POU2AF3: variants seen among roughly 807,000 people sequenced by gnomAD.
POU2AF3 encodes the protein POU class 2 homeobox associating factor 3, also known as cancer susceptibility candidate 13.
At chr11:111,308,298 G>T in the POU2AF3 span, 1 of 1,551,756 alleles carries the variant, frequency 6.4e-7, no homozygotes, top group South Asian at 1.2e-5. Flanking sequence ...TGCGCATCGT[G>T]TGAGGCAGAG....
At chr11:111,300,496 C>CTT in the POU2AF3 span, 1 of 1,154,368 alleles carries the variant, frequency 8.7e-7, no homozygotes, top group African/African-American at 1.6e-5. Flanking sequence ...AGACCTTGGA[C>CTT]TCGACCACTG....
chr11:111,300,646 C>T, the POU2AF3 span: 6 of 1,184,742 alleles, frequency 5.1e-6, no homozygotes, highest in Non-Finnish European at 6.3e-6. Flanking sequence ...TTCCCTCATT[C>T]CCCAGCCCAT....
the POU2AF3 span, chr11:111,300,080 G>A: frequency 3.8e-5 from 15 of 393,254 alleles, no homozygotes; most frequent in African/African-American, 2.9e-4. Context: ...GGTGGGCTAC[G>A]TCAGCCGCCA....
At chr11:111,305,016 C>T in the POU2AF3 span, 1 of 1,204,338 alleles carries the variant, frequency 8.3e-7, no homozygotes, top group African/African-American at 1.6e-5. Context: ...TTCCCTCAAA[C>T]ACTCTTTCAA....
chr11:111,299,623 G>T, the POU2AF3 span: 5 of 1,227,416 alleles, frequency 4.1e-6, no homozygotes, highest in Non-Finnish European at 5.1e-6. Context: ...GGAGTGCAGG[G>T]TCATCGGGAG....
At chr11:111,306,422 T>C in the POU2AF3 span, 1 of 1,470,106 alleles carries the variant, frequency 6.8e-7, no homozygotes, top group Admixed American at 2.6e-5. Flanking sequence ...AACCAATTTC[T>C]TCCACGCCCA....
chr11:111,301,454 T>G, the POU2AF3 span, among the ~76,000 whole-genome samples: 1 of 152,016 alleles, frequency 6.6e-6, no homozygotes, highest in East Asian at 1.9e-4. Context: ...TTAGGATTGG[T>G]CCTTCTCCAG....
At chr11:111,300,859 A>G in the POU2AF3 span, among the ~76,000 whole-genome samples, 3 of 152,232 alleles carry the variant, frequency 2.0e-5, no homozygotes, top group Non-Finnish European at 4.4e-5. Flanking sequence ...CCCATGGGTG[A>G]AAGTAAAGTA....
At chr11:111,304,975 T>C in the POU2AF3 span, 1 of 1,232,848 alleles carries the variant, frequency 8.1e-7, no homozygotes. Flanking sequence ...TTGCACCATC[T>C]TCTGCAGGTC....
the POU2AF3 span, chr11:111,299,382 C>A: frequency 1.0e-6 from 1 of 997,778 alleles, no homozygotes; most frequent in Non-Finnish European, 1.2e-6. Flanking sequence ...ACTCCTGCGG[C>A]CACCTCCACC....
At chr11:111,308,686 C>T in the POU2AF3 span, 29 of 322,798 alleles carry the variant, frequency 9.0e-5, no homozygotes, top group Middle Eastern at 8.3e-4. Context: ...TTTTGTATAA[C>T]GAACAAATGC....
the POU2AF3 span, chr11:111,305,189 A>G: frequency 2.5e-6 from 1 of 392,910 alleles, no homozygotes; most frequent in Admixed American, 4.4e-5. Context: ...TGAATTCTCT[A>G]CTCTCTGCTA....
the POU2AF3 span, chr11:111,308,053 G>T: frequency 3.1e-5 from 46 of 1,473,610 alleles, no homozygotes; most frequent in Non-Finnish European, 3.9e-5. Flanking sequence ...TTGTTTCTTG[G>T]TTGTCATTTC....
At chr11:111,300,497 T>G in the POU2AF3 span, 1 of 1,160,184 alleles carries the variant, frequency 8.6e-7, no homozygotes, top group African/African-American at 1.6e-5. Context: ...GACCTTGGAC[T>G]CGACCACTGA....
chr11:111,298,851 C>A, the POU2AF3 span: 7 of 837,358 alleles, frequency 8.4e-6, no homozygotes, highest in Non-Finnish European at 1.1e-5. Flanking sequence ...CCCACGTATC[C>A]ACTGTTGTGT....
chr11:111,305,055 G>T, the POU2AF3 span: 1 of 955,648 alleles, frequency 1.0e-6, no homozygotes, highest in Non-Finnish European at 1.4e-6. Flanking sequence ...TTTCAGTCTT[G>T]ATTCAGGGGT....
chr11:111,307,967 AC>A, the POU2AF3 span: 2 of 1,087,426 alleles, frequency 1.8e-6, no homozygotes, highest in African/African-American at 3.2e-5. Context: ...TTGGTTTTTT[AC>A]CCCTCATTTT....
At chr11:111,304,935 G>C in the POU2AF3 span, 4 of 1,232,920 alleles carry the variant, frequency 3.2e-6, no homozygotes, top group Non-Finnish European at 4.0e-6. Context: ...CAGCGGTCCG[G>C]AGGCAGCAGT....
the POU2AF3 span, chr11:111,306,691 T>G: frequency 8.6e-7 from 1 of 1,164,948 alleles, no homozygotes; most frequent in Non-Finnish European, 1.2e-6. Flanking sequence ...TTTGTGAGTT[T>G]GCACCATCCC....
Sources: allele counts gnomAD v4.1 joint callset (sites outside exome capture counted in the v4.1 genomes callset), GRCh38; gene constraint gnomAD v4.1.1; transcripts MANE v1.5; gene names NCBI Gene and HGNC (gene_info 2026-07-23, HGNC 2026-07-21).